Variants in ACTN2 observed in about 807,000 individuals in gnomAD.
ACTN2 encodes actinin alpha 2, also known as alpha-actinin-2.
A neutral mutation model predicts 113.8 loss-of-function variants in ACTN2; 39 were observed. The observed-to-expected ratio is 0.34, with a 90% confidence interval of 0.27 to 0.45. The LOEUF (loss-of-function observed/expected upper bound fraction) is 0.45. Ranked by LOEUF, ACTN2 falls within the 20% of genes least tolerant of loss-of-function variation. The pLI is 1.00. For synonymous variants in ACTN2, 429 were observed against 444.1 expected, an observed-to-expected ratio of 0.97 and a Z score of 0.43; for missense variants, 992 against 1,177.9, an observed-to-expected ratio of 0.84 and a Z score of 2.31.
chr1:236,754,097 C>T lies in ACTN2; in HGVS notation c.1974+16C>T, dbSNP rs1659481648. The T allele has an allele frequency of 3.1e-6, 5 of 1,613,128 alleles. No individual in the cohort carries two copies. In the South Asian group the frequency reaches 3.3e-5, roughly 11 times the overall value. On this transcript the variant is annotated intron_variant, in intron 16 of 20. Coordinates refer to ENST00000366578, the MANE Select transcript of ACTN2 (RefSeq NM_001103.4). The surrounding 1 kb of genome is among the most constrained non-coding windows in gnomAD (Gnocchi z 4.9). ...CAAGATGGAGGTAAGCCAGCGCCCTCCCAGGCGCTGTTCACAAGCCTTGCG... is the reference window on the plus strand; with the variant it reads ...CAAGATGGAGGTAAGCCAGCGCCCTTCCAGGCGCTGTTCACAAGCCTTGCG...
chr1:236,702,455 A>G (rs1201928138), intron 1 of ACTN2, among the ~76,000 whole-genome samples: 3 of 152,250 alleles, frequency 2.0e-5, no homozygotes, highest in Non-Finnish European at 4.4e-5. Context: ...AAATATTAAA[A>G]AAGTCACAAC....
chr1:236,754,045 C>T lies in ACTN2; in HGVS notation c.1938C>T (p.Ala646=), dbSNP rs958797222. ...TGAGGCGCCAGTTTGCTGCCCAAGCCAATGCCATTGGGCCCTGGATCCAGA... is the reference window on the plus strand; with the variant it reads ...TGAGGCGCCAGTTTGCTGCCCAAGCTAATGCCATTGGGCCCTGGATCCAGA... The part of the protein sequence containing the change: ...ERLRRQFAAQ[A]NAIGPWIQNK... The change falls in exon 16 of 21, where the codon GCC becomes GCT. Residue 646 remains alanine, a synonymous_variant. Transcript: ENST00000366578. This position sits in a 1 kb window ranked among gnomAD's most constrained non-coding sequence, Gnocchi z 4.9. 1.7e-5 allele frequency: 27 copies of T among 1,614,038 alleles called. No homozygotes were observed. The highest frequency in any genetic ancestry group is 2.1e-5 in the Non-Finnish European group (25 of 1,180,050).
chr1:236,739,156 C>G, intron 9 of ACTN2, 146 bp from the exon 10 acceptor site: 1 of 852,418 alleles, frequency 1.2e-6, no homozygotes, highest in Non-Finnish European at 1.9e-6. Flanking sequence ...ACATCTCGTT[C>G]ATGCCTCTGT....
intron 1 of ACTN2, among the ~76,000 whole-genome samples, chr1:236,700,677 A>G (rs549136020): frequency 2.6e-5 from 4 of 152,288 alleles, no homozygotes; most frequent in African/African-American, 7.2e-5. Context: ...ATGTCTGAGG[A>G]TGCTGAATTT....
At chr1:236,761,432 CGTGTGTGTGT>C (rs3831321) in intron 20 of ACTN2, among the ~76,000 whole-genome samples, 20 of 150,526 alleles carry the variant, frequency 1.3e-4, no homozygotes, top group Admixed American at 2.6e-4. Flanking sequence ...TTTGTACTTG[CGTGTGTGTGT>C]GTGTGTGTGT....
At chr1:236,710,511 C>T (rs1175319969) in intron 1 of ACTN2, among the ~76,000 whole-genome samples, 1 of 152,236 alleles carries the variant, frequency 6.6e-6, no homozygotes, top group Non-Finnish European at 1.5e-5. Context: ...TTGTAGCCAG[C>T]AAATGCTTCT....
chr1:236,751,754 T>G, intron 15 of ACTN2, 102 bp downstream of exon 15: 1 of 1,383,022 alleles, frequency 7.2e-7, no homozygotes, highest in Non-Finnish European at 1.0e-6. Flanking sequence ...GGCCTCATTT[T>G]GCATCATGAT....
chr1:236,697,365 C>G (rs1455730577), intron 1 of ACTN2, among the ~76,000 whole-genome samples: 1 of 152,166 alleles, frequency 6.6e-6, no homozygotes, highest in Non-Finnish European at 1.5e-5. Flanking sequence ...GCTTGATATC[C>G]AATGGATAAA....
chr1:236,731,220 G>T lies in ACTN2; in HGVS notation c.616-13G>T. The T allele has an allele frequency of 2.5e-6, 4 of 1,600,602 alleles. No individual in the cohort carries two copies. The highest frequency in any genetic ancestry group is 8.6e-7 in the Non-Finnish European group (1 of 1,167,884). ...TATATTTTAAAAATCTGACTGTCTT[G>T]GTTTTCATACAGGATGACCCCATAG... is the stretch of plus-strand genomic sequence containing the variant. On this transcript the variant is annotated splice_polypyrimidine_tract_variant and intron_variant, in intron 6 of 20. Transcript: ENST00000366578.
intron 6 of ACTN2, among the ~76,000 whole-genome samples, chr1:236,729,970 A>G (rs1658667976): frequency 6.6e-6 from 1 of 152,276 alleles, no homozygotes. Context: ...AGGCACTGTT[A>G]TAAACAAATA....
intron 1 of ACTN2, among the ~76,000 whole-genome samples, chr1:236,700,190 A>G (rs537102945): frequency 6.6e-6 from 1 of 152,172 alleles, no homozygotes; most frequent in South Asian, 2.1e-4. Flanking sequence ...TATTTTATTT[A>G]TCTTATTTTT....
chr1:236,715,308 T>C (rs1210945556), intron 1 of ACTN2, among the ~76,000 whole-genome samples: 42 of 93,804 alleles, frequency 4.5e-4, no homozygotes, highest in African/African-American at 1.3e-3. Context: ...CCCTCCCCCC[T>C]CCCCCCACCC....
intron 10 of ACTN2, among the ~76,000 whole-genome samples, chr1:236,740,880 C>A (rs1659048242): frequency 6.6e-6 from 1 of 152,036 alleles, no homozygotes; most frequent in South Asian, 2.1e-4. Flanking sequence ...CCTACTTTGG[C>A]CCTCCTGTTT....
intron 1 of ACTN2, among the ~76,000 whole-genome samples, chr1:236,696,295 G>A (rs1415998945): frequency 1.3e-5 from 2 of 148,398 alleles, no homozygotes; most frequent in Admixed American, 6.8e-5. Flanking sequence ...TCCAGCTTCG[G>A]TGACAGAAGA....
At chr1:236,696,006 G>T (rs1468803919) in intron 1 of ACTN2, among the ~76,000 whole-genome samples, 1 of 152,090 alleles carries the variant, frequency 6.6e-6, no homozygotes, top group South Asian at 2.1e-4. Context: ...ACAAATAGGT[G>T]AATATGAGAT....
intron 20 of ACTN2, among the ~76,000 whole-genome samples, chr1:236,762,256 C>T (rs1352870338): frequency 6.6e-6 from 1 of 152,150 alleles, no homozygotes; most frequent in African/African-American, 2.4e-5. Context: ...TATCACCCTT[C>T]CTGCTGGCCA....
chr1:236,745,311 G>A (rs969686726), intron 12 of ACTN2, among the ~76,000 whole-genome samples: 2 of 152,168 alleles, frequency 1.3e-5, no homozygotes, highest in African/African-American at 4.8e-5. Flanking sequence ...GCGGGTGCCT[G>A]TAGTCCCAGC....
At chr1:236,719,064 G>T in intron 3 of ACTN2, 51 bp downstream of exon 3, 1 of 1,610,754 alleles carries the variant, frequency 6.2e-7, no homozygotes, top group South Asian at 1.1e-5. Context: ...TAATAGCGTA[G>T]GTGTGGGCTG....
intron 18 of ACTN2, among the ~76,000 whole-genome samples, 180 bp downstream of exon 18, chr1:236,757,812 A>T (rs1469899803): frequency 6.6e-6 from 1 of 152,256 alleles, no homozygotes. Flanking sequence ...ATGTTGCTCA[A>T]GGTGACACAA....
Sources: allele counts gnomAD v4.1 joint callset (sites outside exome capture counted in the v4.1 genomes callset), GRCh38; gene constraint gnomAD v4.1.1; non-coding constraint Gnocchi (gnomAD v3.1); transcripts MANE v1.5; gene names NCBI Gene and HGNC (gene_info 2026-07-23, HGNC 2026-07-21).